STPG2: variants seen among roughly 807,000 people sequenced by gnomAD.
STPG2 encodes sperm-tail PG-rich repeat-containing protein 2.
STPG2 carries 56 observed loss-of-function variants against 54.2 expected under a neutral mutation model. The observed-to-expected ratio is 1.03, with a 90% CI of 0.83 to 1.29. The LOEUF is 1.29. Among genes scored for constraint, STPG2 ranks in the 50% most tolerant of loss-of-function variants. The pLI is 0.00. For synonymous variants in STPG2, 200 were observed against 181.8 expected (o/e 1.10, Z -0.81); for missense variants, 596 against 544.9 (o/e 1.09, Z -0.93).
chr4:98,043,228 C>G (rs1940926581), intron 5 of STPG2, among the ~76,000 whole-genome samples: 1 of 152,004 alleles, frequency 6.6e-6, no homozygotes, highest in Non-Finnish European at 1.5e-5. Flanking sequence ...ATCCTTGAAT[C>G]TAAAGTGAGT....
At chr4:97,708,278 G>C (rs558447443) in intron 10 of STPG2, among the ~76,000 whole-genome samples, 1 of 151,698 alleles carries the variant, frequency 6.6e-6, no homozygotes, top group African/African-American at 2.4e-5. Flanking sequence ...CTTGGCAAAG[G>C]AAACAACGTA....
chr4:98,028,377 T>C (rs752775780), intron 5 of STPG2, among the ~76,000 whole-genome samples: 2 of 152,192 alleles, frequency 1.3e-5, no homozygotes, highest in East Asian at 1.9e-4. Flanking sequence ...GGCAGTCTCC[T>C]TATCCAAATC....
At chr4:98,125,788 G>A (rs1739811918) in intron 3 of STPG2, among the ~76,000 whole-genome samples, 1 of 152,198 alleles carries the variant, frequency 6.6e-6, no homozygotes, top group Admixed American at 6.5e-5. Context: ...ACAGTGCACT[G>A]CAGAGATTGT....
chr4:97,651,388 T>C (rs762668007), intron 10 of STPG2, among the ~76,000 whole-genome samples: 1 of 152,068 alleles, frequency 6.6e-6, no homozygotes, highest in Admixed American at 6.5e-5. Context: ...TAAAAATCAA[T>C]CTTGAGTGTA....
At chr4:97,833,940 GAC>G (rs1728553854) in intron 9 of STPG2, among the ~76,000 whole-genome samples, 1 of 152,156 alleles carries the variant, frequency 6.6e-6, no homozygotes, top group Non-Finnish European at 1.5e-5. Flanking sequence ...CACTGTGAAA[GAC>G]AGTGTGGCGA....
rs1384164989 is a variant in STPG2, at chr4:98,143,224, G to A, written c.-74C>T. On this transcript the variant is annotated 5_prime_UTR_variant, in exon 1 of 11. Transcript: ENST00000295268. ...ATAAAAACAAGGTAGCTAGAAGTGT[G>A]GAGAAAAAGGAAGCCGACACCAGTC... The A allele has an allele frequency of 4.3e-6, 5 of 1,175,104 alleles. No individual in the cohort carries two copies. Among genetic ancestry groups the A allele is most frequent in the Non-Finnish European group, 6.1e-6 (5 of 821,956 alleles). 72.8% of individuals were successfully genotyped at this position (1,175,104 alleles called of 1,614,324 possible).
chr4:98,021,197 T>C (rs13147722), intron 5 of STPG2, among the ~76,000 whole-genome samples: 10,785 of 86,082 alleles, frequency 0.13, 892 homozygotes, highest in Middle Eastern at 0.18. Flanking sequence ...TGAATGTGTC[T>C]CAGAGATTCT....
intron 8 of STPG2, among the ~76,000 whole-genome samples, chr4:97,853,227 A>C (rs1729226025): frequency 6.6e-6 from 1 of 151,918 alleles, no homozygotes; most frequent in Admixed American, 6.6e-5. Context: ...TGGCCTCCCA[A>C]AGTGCTGGGA....
chr4:98,014,906 T>C (rs1735887074), intron 5 of STPG2, among the ~76,000 whole-genome samples: 1 of 152,194 alleles, frequency 6.6e-6, no homozygotes, highest in Admixed American at 6.5e-5. Context: ...TTTTTTTTCT[T>C]TCAGCATTTA....
At chr4:97,954,104 A>T (rs1733577999) in intron 7 of STPG2, among the ~76,000 whole-genome samples, 1 of 152,262 alleles carries the variant, frequency 6.6e-6, no homozygotes, top group South Asian at 2.1e-4. Flanking sequence ...TGAAATTACC[A>T]AGAAATTAAT....
At chr4:97,592,199 G>A (rs1270623653) in intron 10 of STPG2, among the ~76,000 whole-genome samples, 1 of 151,988 alleles carries the variant, frequency 6.6e-6, no homozygotes, top group Non-Finnish European at 1.5e-5. Context: ...TGGGACTGGA[G>A]AACCCAAACT....
intron 5 of STPG2, among the ~76,000 whole-genome samples, chr4:98,056,252 GA>G (rs1737481318): frequency 6.6e-6 from 1 of 152,034 alleles, no homozygotes; most frequent in South Asian, 2.1e-4. Flanking sequence ...GCTTGTGGGG[GA>G]CAGAGAAGGC....
At chr4:97,979,707 G>A (rs1007718548) in intron 6 of STPG2, among the ~76,000 whole-genome samples, 3 of 151,880 alleles carry the variant, frequency 2.0e-5, no homozygotes, top group African/African-American at 7.2e-5. Context: ...GCAACGAAAT[G>A]AGGCCTCATT....
intron 9 of STPG2, among the ~76,000 whole-genome samples, chr4:97,757,280 C>T (rs545866081): frequency 1.3e-5 from 2 of 152,122 alleles, no homozygotes; most frequent in East Asian, 3.9e-4. Context: ...GCCTCCCAGA[C>T]CTTCCCCCCA....
intron 6 of STPG2, among the ~76,000 whole-genome samples, chr4:97,979,357 G>A (rs1371941058): frequency 6.6e-6 from 1 of 152,134 alleles, no homozygotes; most frequent in Admixed American, 6.6e-5. Context: ...TCAAGGAAAT[G>A]CTAACATGTG....
chr4:97,534,193 A>G (rs1425247945), intron 4 of STPG2, among the ~76,000 whole-genome samples: 4 of 152,002 alleles, frequency 2.6e-5, no homozygotes, highest in African/African-American at 9.7e-5. Flanking sequence ...CATATTGTTT[A>G]TGTTCATACT....
Position 97,567,861 on chromosome 4 carries a change from G to A in STPG2, c.1321-8744C>T, listed in dbSNP as rs1328985984. Among the ~76,000 whole-genome samples the A allele has an allele frequency of 2.6e-5, 4 of 152,096 alleles. No individual in the cohort carries two copies. In the East Asian group the frequency reaches 7.7e-4, roughly 29 times the overall value. Reference sequence around the variant, plus strand: ...GGAAATAGGAGCAAAAGAATATATAGATATGTGCATTTAACAAAAGAAACT... The same window carrying A: ...GGAAATAGGAGCAAAAGAATATATAAATATGTGCATTTAACAAAAGAAACT... On this transcript the variant is annotated intron_variant, in intron 10 of 10. Transcript: ENST00000295268.
chr4:97,598,394 C>T (rs569962031), intron 10 of STPG2, among the ~76,000 whole-genome samples: 72 of 151,808 alleles, frequency 4.7e-4, no homozygotes, highest in African/African-American at 1.7e-3. Flanking sequence ...TTTTAAAATT[C>T]ATATGGAACC....
chr4:97,802,871 A>G (rs1259531332), intron 9 of STPG2, among the ~76,000 whole-genome samples: 1 of 152,290 alleles, frequency 6.6e-6, no homozygotes, highest in Non-Finnish European at 1.5e-5. Flanking sequence ...TGACAGTAAT[A>G]TATTTGAAGT....
Sources: allele counts gnomAD v4.1 joint callset (sites outside exome capture counted in the v4.1 genomes callset), GRCh38; gene constraint gnomAD v4.1.1; transcripts MANE v1.5; gene names NCBI Gene and HGNC (gene_info 2026-07-23, HGNC 2026-07-21).